The following ST8SIA1 variants were observed in gnomAD, a reference collection of about 807,000 sequenced individuals.
The protein encoded by ST8SIA1 is ST8 alpha-N-acetyl-neuraminide alpha-2,8-sialyltransferase 1.
ST8SIA1 carries 16 observed loss-of-function variants against 35.9 expected under a neutral mutation model. The ratio of observed to expected loss-of-function variants is 0.45; its 90% CI spans 0.30 to 0.68. The LOEUF is 0.68. Among genes scored for constraint, ST8SIA1 ranks in the 30% least tolerant of loss-of-function variants. The pLI is 0.09. For missense variants in ST8SIA1, 383 were observed against 453.6 expected, an observed-to-expected ratio of 0.84 and a Z score of 1.41; for synonymous variants, 170 against 169.6, an observed-to-expected ratio of 1.00 and a Z score of -0.02.
chr12:22,286,066 T>C (rs1475223035), intron 2 of ST8SIA1, among the ~76,000 whole-genome samples: 3 of 152,122 alleles, frequency 2.0e-5, no homozygotes, highest in Non-Finnish European at 4.4e-5. Flanking sequence ...CAGTTCCATA[T>C]ATCATAGCTC....
intron 1 of ST8SIA1, among the ~76,000 whole-genome samples, chr12:22,309,945 C>T (rs1866429766): frequency 6.6e-6 from 1 of 152,110 alleles, no homozygotes; most frequent in South Asian, 2.1e-4. Context: ...TTTTATTTAT[C>T]TTTACAAGAG....
At chr12:22,206,362 A>T (rs1386111691) in intron 4 of ST8SIA1, among the ~76,000 whole-genome samples, 1 of 152,176 alleles carries the variant, frequency 6.6e-6, no homozygotes, top group Non-Finnish European at 1.5e-5. Flanking sequence ...GATACTAGGG[A>T]AAGTGGTGTC....
At chr12:22,289,602 A>AATTT (rs1866150268) in intron 1 of ST8SIA1, among the ~76,000 whole-genome samples, 1 of 152,170 alleles carries the variant, frequency 6.6e-6, no homozygotes, top group Admixed American at 6.5e-5. Flanking sequence ...TTTCTCAAGT[A>AATTT]ATTTATCTCA....
rs955895883 is a variant in ST8SIA1 at position 22,195,008 on chromosome 12, A to G, written c.*6544T>C. 5 of 152,092 alleles carry G rather than the reference A, an allele frequency of 3.3e-5. No individual in the cohort carries two copies. The highest frequency in any genetic ancestry group is 1.2e-4 in the African/African-American group (5 of 41,308). 9.4% of individuals were successfully genotyped at this position (152,092 alleles called of 1,614,324 possible). On this transcript the variant is annotated 3_prime_UTR_variant, in exon 5 of 5. Transcript: ENST00000396037. ...GGACCAGCCTGACCAATATGGAGAA[A>G]CCCCATCTCTACTAAAAGTACAAAA...
chr12:22,269,240 T>C (rs1865884287), intron 2 of ST8SIA1, among the ~76,000 whole-genome samples: 1 of 152,098 alleles, frequency 6.6e-6, no homozygotes, highest in Non-Finnish European at 1.5e-5. Flanking sequence ...TTAAATGAAA[T>C]ACAGGGTTGT....
intron 2 of ST8SIA1, among the ~76,000 whole-genome samples, chr12:22,270,265 A>G (rs917568343): frequency 6.6e-6 from 1 of 152,226 alleles, no homozygotes; most frequent in Non-Finnish European, 1.5e-5. Flanking sequence ...AGACAATAAT[A>G]TCAGCATCAT....
intron 1 of ST8SIA1, among the ~76,000 whole-genome samples, chr12:22,295,894 A>C (rs1866237675): frequency 2.0e-5 from 3 of 152,174 alleles, no homozygotes; most frequent in Admixed American, 2.0e-4. Flanking sequence ...CCCATCAAAG[A>C]ATGTTTCTTT....
intron 2 of ST8SIA1, among the ~76,000 whole-genome samples, chr12:22,284,307 A>G (rs897794656): frequency 3.3e-5 from 5 of 152,200 alleles, no homozygotes; most frequent in African/African-American, 7.2e-5. Context: ...TATTTCACTG[A>G]AACTCTGGGA....
chr12:22,279,304 T>A (rs910879075), intron 2 of ST8SIA1, among the ~76,000 whole-genome samples: 2 of 152,172 alleles, frequency 1.3e-5, no homozygotes, highest in Non-Finnish European at 1.5e-5. Flanking sequence ...TATGACTTAA[T>A]TTCAAAACAT....
chr12:22,273,757 A>G (rs1045613088), intron 2 of ST8SIA1, among the ~76,000 whole-genome samples: 6 of 152,300 alleles, frequency 3.9e-5, no homozygotes, highest in African/African-American at 1.4e-4. Context: ...TCATTCATTC[A>G]TTCATTCATC....
chr12:22,290,298 G>A (rs1176114496), intron 1 of ST8SIA1, among the ~76,000 whole-genome samples: 1 of 152,132 alleles, frequency 6.6e-6, no homozygotes, highest in Non-Finnish European at 1.5e-5. Flanking sequence ...TATCCCATGT[G>A]CCTGAGTGGG....
At position 22,279,285 on chromosome 12, in the gene ST8SIA1, A is replaced by C. The variant is rs527471059; in HGVS notation, c.381+7864T>G. Among the ~76,000 whole-genome samples the C allele has an allele frequency of 5.9e-5, 9 of 152,318 alleles. No individual in the cohort carries two copies. In the South Asian group the frequency reaches 1.2e-3, roughly 21 times the overall value. The stretch of plus-strand genomic sequence containing the variant: ...CCTGGCTTTGAGGTATGGCTCTAGT[A>C]ACTTGGTTTATGACTTAATTTCAAA... On this transcript the variant is annotated intron_variant, in intron 2 of 4. Transcript: ENST00000396037.
At chr12:22,230,852 A>AG (rs928527422) in intron 4 of ST8SIA1, among the ~76,000 whole-genome samples, 2 of 152,080 alleles carry the variant, frequency 1.3e-5, no homozygotes, top group Non-Finnish European at 2.9e-5. Flanking sequence ...ACAATTGGGG[A>AG]GGGGGTAATG....
intron 1 of ST8SIA1, among the ~76,000 whole-genome samples, chr12:22,310,732 C>T (rs1866438950): frequency 6.6e-6 from 1 of 152,134 alleles, no homozygotes; most frequent in African/African-American, 2.4e-5. Context: ...CTTTTCTCTA[C>T]ACTCACTAGA....
intron 1 of ST8SIA1, among the ~76,000 whole-genome samples, chr12:22,332,270 T>C (rs1866777782): frequency 6.6e-6 from 1 of 152,204 alleles, no homozygotes; most frequent in South Asian, 2.1e-4. Context: ...TGAAAATTAC[T>C]CCAGGCTACA....
chr12:22,226,164 G>A (rs1162227305), intron 4 of ST8SIA1, among the ~76,000 whole-genome samples: 1 of 152,120 alleles, frequency 6.6e-6, no homozygotes, highest in Non-Finnish European at 1.5e-5. Context: ...GAATATTCGA[G>A]AAATAACCTT....
In ST8SIA1 at chr12:22,287,298, G is replaced by A. The variant is rs1194187120; in HGVS notation, c.237-5C>T. On this transcript the variant is annotated splice_region_variant and splice_polypyrimidine_tract_variant and intron_variant, in intron 1 of 4. Coordinates refer to ENST00000396037, the MANE Select transcript of ST8SIA1 (RefSeq NM_003034.4). ...CAGCAGTCTTCCATTTGTTTCCTAGGAGAGAAAACAGAGAGAGAGAAAAGA... is the reference window on the plus strand; with the variant it reads ...CAGCAGTCTTCCATTTGTTTCCTAGAAGAGAAAACAGAGAGAGAGAAAAGA... 3.1e-6 allele frequency: 5 copies of A among 1,609,300 alleles called. No individual in the cohort carries two copies. In the South Asian group the frequency reaches 3.3e-5, roughly 11 times the overall value.
chr12:22,264,057 C>T (rs930694080), intron 2 of ST8SIA1, among the ~76,000 whole-genome samples: 1 of 152,126 alleles, frequency 6.6e-6, no homozygotes, highest in Admixed American at 6.5e-5. Flanking sequence ...CACGTATCCT[C>T]CTGGACTCCC....
rs1866813379 is a variant in ST8SIA1 at position 22,334,154 on chromosome 12, G to A, written c.79C>T (p.Arg27Trp). ...AVLAWKFPRT[R>W]LPMGASALCV... Reference sequence around the variant, plus strand: ...AGGGCACTGGCTCCCATGGGCAGCCGGGTCCGCGGGAACTTCCACGCCAGT... The same window carrying A: ...AGGGCACTGGCTCCCATGGGCAGCCAGGTCCGCGGGAACTTCCACGCCAGT... Residue 27 changes from arginine to tryptophan, a missense_variant, in exon 1 of 5, where the codon CGG becomes TGG. By Grantham distance (101) the Arg-to-Trp change is moderately radical (BLOSUM62 -3). Transcript: ENST00000396037. 5.0e-6 allele frequency: 8 copies of A among 1,613,944 alleles called. No individual in the cohort carries two copies. Among genetic ancestry groups the A allele is most frequent in the African/African-American group, 1.3e-5 (1 of 74,920 alleles).
Sources: allele counts gnomAD v4.1 joint callset (sites outside exome capture counted in the v4.1 genomes callset), GRCh38; gene constraint gnomAD v4.1.1; transcripts MANE v1.5; gene names NCBI Gene and HGNC (gene_info 2026-07-23, HGNC 2026-07-21).